The following CPHXL variants were observed in gnomAD, a reference collection of about 807,000 sequenced individuals.
CPHXL encodes cytoplasmic polyadenylated homeobox-like protein.
chr16:75,716,118 G>GA (rs111346751), intron 2 of CPHXL, among the ~76,000 whole-genome samples: 229 of 146,708 alleles, frequency 1.6e-3, no homozygotes, highest in African/African-American at 2.3e-3. Context: ...CTCTCTGAGG[G>GA]AAAAAAAAAA....
At position 75,714,167 on chromosome 16, in the gene CPHXL, T is replaced by C. The variant is rs1567527154; in HGVS notation, c.*57A>G. 3 of 398,596 alleles carry C rather than the reference T, an allele frequency of 7.5e-6. No homozygotes were observed. Among genetic ancestry groups the C allele is most frequent in the Non-Finnish European group, 1.3e-5 (3 of 226,262 alleles). 24.7% of individuals were successfully genotyped at this position (398,596 alleles called of 1,614,324 possible). A position where few individuals can be genotyped will look rare whatever the true frequency, so the allele number is the denominator to read the frequency against. ...ACTGTGTTTCTCTGACACTTAGCAC[T>C]ACTTTGCAGAGTTGCATCCTTGGTT... On this transcript the variant is annotated 3_prime_UTR_variant, in exon 3 of 3. Transcript: ENST00000640559.
In CPHXL at chr16:75,714,387, G is replaced by A. The variant is rs540173755; in HGVS notation, c.1055C>T (p.Ser352Leu). 3 of 398,594 alleles carry A rather than the reference G, an allele frequency of 7.5e-6. No homozygotes were observed. In the East Asian group the frequency reaches 1.1e-4, roughly 14 times the overall value. 24.7% of individuals were successfully genotyped at this position (398,594 alleles called of 1,614,324 possible). ...DLGKQWSSAQSQLQSQLPQNN... is the reference protein window; with the variant it reads ...DLGKQWSSAQLQLQSQLPQNN... The stretch of plus-strand genomic sequence containing the variant: ...CTGAGGCAGTTGACTCTGCAGCTGT[G>A]ACTGAGCCGAGGACCACTGCTTCCC... Residue 352 changes from serine to leucine, a missense_variant, in exon 3 of 3, where the codon TCA becomes TTA. Ser to Leu is a moderately radical substitution (Grantham distance 145). Transcript: ENST00000640559.
At chr16:75,715,471 T>A (rs1959377322) in intron 2 of CPHXL, among the ~76,000 whole-genome samples, 1 of 152,102 alleles carries the variant, frequency 6.6e-6, no homozygotes, top group South Asian at 2.1e-4. Flanking sequence ...ACACCATGGT[T>A]TACATGTGAA....
Position 75,714,361 on chromosome 16 carries a change from T to G in CPHXL, c.1081A>C (p.Asn361His). Residue 361 changes from asparagine to histidine, a missense_variant, in exon 3 of 3, where the codon AAT becomes CAT. Physicochemically the swap from Asn to His is moderately conservative, Grantham distance 68. Coordinates refer to ENST00000640559, the MANE Select transcript of CPHXL (RefSeq NM_001355613.1). ...QSQLQSQLPQ[N>H]NGKPLCSQLQ... ...TGAGAGCACAACGGCTTTCCATTATTCTGAGGCAGTTGACTCTGCAGCTGT... is the reference window on the plus strand; with the variant it reads ...TGAGAGCACAACGGCTTTCCATTATGCTGAGGCAGTTGACTCTGCAGCTGT... 2.5e-6 allele frequency: 1 copy of G among 398,596 alleles called. No homozygotes were observed. The highest frequency in any genetic ancestry group is 3.6e-5 in the East Asian group (1 of 28,068). The allele number at this position is 398,596 out of a possible 1,614,324, so 24.7% of individuals were successfully genotyped here. A position where few individuals can be genotyped will look rare whatever the true frequency, so the allele number is the denominator to read the frequency against.
chr16:75,720,040 G>C (rs1259972419), intron 1 of CPHXL, among the ~76,000 whole-genome samples: 1 of 152,214 alleles, frequency 6.6e-6, no homozygotes, highest in Non-Finnish European at 1.5e-5. Flanking sequence ...GTAGCTGAGG[G>C]TCCTGACTGT....
chr16:75,721,592 G>T (rs1959477756), intron 1 of CPHXL, among the ~76,000 whole-genome samples: 1 of 152,166 alleles, frequency 6.6e-6, no homozygotes, highest in South Asian at 2.1e-4. Flanking sequence ...GGAGCACCCA[G>T]ATTCATAAAG....
intron 1 of CPHXL, among the ~76,000 whole-genome samples, chr16:75,721,173 G>A (rs572019197): frequency 2.4e-4 from 37 of 152,148 alleles, no homozygotes; most frequent in Non-Finnish European, 4.7e-4. Context: ...GACCATCGAG[G>A]CTAGGAAGAA....
Position 75,714,645 on chromosome 16 carries a change from C to T in CPHXL, c.797G>A (p.Arg266Lys), listed in dbSNP as rs759113824. ...ATGCTGGCTTTCCTTGGTTTCAGTC[C>T]TTTCTCCATGAAAATATGGCACAGA... ...PSSVPYFHGE[R>K]TETKESQHAS... Residue 266 changes from arginine (R) to lysine (K), a missense_variant, in exon 3 of 3, where the codon AGG becomes AAG. Transcript: ENST00000640559. 22 of 398,530 alleles carry T rather than the reference C, an allele frequency of 5.5e-5. No homozygotes were observed. Among genetic ancestry groups the T allele is most frequent in the Admixed American group, 8.8e-5 (2 of 22,718 alleles). The allele number at this position is 398,530 out of a possible 1,614,324, so 24.7% of individuals were successfully genotyped here. A position where few individuals can be genotyped will look rare whatever the true frequency, so the allele number is the denominator to read the frequency against.
rs994599925 is a variant in CPHXL, at chr16:75,715,240, T to C, written c.220-18A>G. 2 of 398,792 alleles carry C rather than the reference T, an allele frequency of 5.0e-6. No individual in the cohort carries two copies. The highest frequency in any genetic ancestry group is 4.4e-6 in the Non-Finnish European group (1 of 226,170). 24.7% of individuals were successfully genotyped at this position (398,792 alleles called of 1,614,324 possible). On this transcript the variant is annotated intron_variant, in intron 2 of 2. Coordinates refer to ENST00000640559, the MANE Select transcript of CPHXL (RefSeq NM_001355613.1). ...AACCAATTCTAGAGAGAAAAGATAA[T>C]ATTGTTTTATTGACTCTACTTATCT...
intron 1 of CPHXL, among the ~76,000 whole-genome samples, chr16:75,724,920 A>G (rs1403281169): frequency 6.6e-6 from 1 of 152,232 alleles, no homozygotes; most frequent in East Asian, 1.9e-4. Flanking sequence ...TGTGGCACAT[A>G]TATACCACAG....
intron 1 of CPHXL, 116 bp from the exon 2 acceptor site, chr16:75,718,574 T>G: frequency 2.5e-6 from 1 of 395,368 alleles, no homozygotes; most frequent in Middle Eastern, 6.3e-4. Context: ...CAAGATGAAA[T>G]CCACGTGTGA....
rs191747157 is a variant in CPHXL at position 75,718,280 on chromosome 16, C to T, written c.204G>A (p.Pro68=). ...RKTLAIKFDC[P]VNVIDNWFQN... ...TTGAACTTACATCTATCACATTTAC[C>T]GGACAATCAAATTTGATGGCCAGTG... Residue 68 remains proline, a synonymous_variant, in exon 2 of 3, where the codon CCG becomes CCA. Transcript: ENST00000640559. 1.4e-3 allele frequency: 547 copies of T among 398,730 alleles called. 1 individual carries two copies. The highest frequency in any genetic ancestry group is 9.8e-3 in the African/African-American group (477 of 48,734). 24.7% of individuals were successfully genotyped at this position (398,730 alleles called of 1,614,324 possible).
At chr16:75,718,514 C>T (rs1959427119) in intron 1 of CPHXL, 56 bp from the exon 2 acceptor site, 1 of 397,718 alleles carries the variant, frequency 2.5e-6, no homozygotes, top group African/African-American at 2.1e-5. Flanking sequence ...AATAACCAGA[C>T]CAAAGAAGAG....
intron 1 of CPHXL, among the ~76,000 whole-genome samples, chr16:75,725,129 G>C (rs1393121231): frequency 7.0e-6 from 1 of 143,750 alleles, no homozygotes; most frequent in Non-Finnish European, 1.5e-5. Flanking sequence ...CTGTTGTGGG[G>C]TCGGGGGAGG....
At chr16:75,718,556 C>T (rs116986485) in intron 1 of CPHXL, 98 bp from the exon 2 acceptor site, 5,124 of 396,312 alleles carry the variant, frequency 0.013, 62 homozygotes, top group Non-Finnish European at 0.015. Context: ...TAGATTCCCT[C>T]CCCTTCCCAA....
chr16:75,721,163 G>C (rs974718143), intron 1 of CPHXL, among the ~76,000 whole-genome samples: 3 of 152,144 alleles, frequency 2.0e-5, no homozygotes, highest in Non-Finnish European at 4.4e-5. Context: ...CAATTGTTAA[G>C]ACCATCGAGG....
At chr16:75,718,608 A>G in intron 1 of CPHXL, 150 bp from the exon 2 acceptor site, 1 of 392,054 alleles carries the variant, frequency 2.6e-6, no homozygotes, top group Non-Finnish European at 4.5e-6. Context: ...CACAATAATA[A>G]AATTACAAAT....
Position 75,714,429 on chromosome 16 carries a change from G to C in CPHXL, c.1013C>G (p.Ser338Trp), listed in dbSNP as rs1215439491. Residue 338 changes from serine to tryptophan, a missense_variant, in exon 3 of 3, where the codon TCG (serine) becomes TGG (tryptophan). Ser to Trp is a radical substitution (Grantham distance 177). Transcript: ENST00000640559. ...CTGCTTCCCTAGATCCCAAGGACCC[G>C]AGTCCATTGGGAGCTGTTCCTGCAA... ...MMLQEQLPMD[S>W]GPWDLGKQWS... 5.0e-6 allele frequency: 2 copies of C among 398,412 alleles called. No individual in the cohort carries two copies. Among genetic ancestry groups the C allele is most frequent in the African/African-American group, 2.1e-5 (1 of 48,606 alleles). The allele number at this position is 398,412 out of a possible 1,614,324, so 24.7% of individuals were successfully genotyped here.
chr16:75,714,343 A>G lies in CPHXL; in HGVS notation c.1099T>C (p.Cys367Arg). The change falls in exon 3 of 3, where the codon TGC (cysteine) becomes CGC (arginine). Residue 367 changes from cysteine (C) to arginine (R), a missense_variant. By Grantham distance (180) the Cys-to-Arg change is radical (BLOSUM62 -3). Transcript: ENST00000640559. Reference sequence around the variant, plus strand: ...AGAGACATGTGCTGCAGTTGAGAGCACAACGGCTTTCCATTATTCTGAGGC... The same window carrying G: ...AGAGACATGTGCTGCAGTTGAGAGCGCAACGGCTTTCCATTATTCTGAGGC... Reference protein sequence around the residue: ...QLPQNNGKPLCSQLQHMSLQI... With the variant: ...QLPQNNGKPLRSQLQHMSLQI... The G allele has an allele frequency of 2.5e-6, 1 of 398,630 alleles. No individual in the cohort carries two copies. Among genetic ancestry groups the G allele is most frequent in the Non-Finnish European group, 4.4e-6 (1 of 226,072 alleles). 24.7% of individuals were successfully genotyped at this position (398,630 alleles called of 1,614,324 possible).
Sources: gnomAD v4.1 joint callset for allele counts (sites outside exome capture counted in the v4.1 genomes callset) on GRCh38, gnomAD v4.1.1 for gene constraint, MANE v1.5 for transcripts, NCBI Gene and HGNC (gene_info 2026-07-23, HGNC 2026-07-21) for gene names.